Variants in MAPKBP1 observed in about 807,000 individuals in gnomAD.
MAPKBP1 encodes the protein mitogen-activated protein kinase binding protein 1.
MAPKBP1 carries 71 observed loss-of-function variants against 170.5 expected under a neutral mutation model. The ratio of observed to expected loss-of-function variants is 0.42; its 90% CI spans 0.34 to 0.51. The LOEUF (loss-of-function observed/expected upper bound fraction) is 0.51, where lower values mean the gene tolerates loss of function less well. Ranked by LOEUF, MAPKBP1 falls within the 20% of genes least tolerant of loss-of-function variation. The pLI, the probability that MAPKBP1 is intolerant of heterozygous loss-of-function variation, is 0.06. For synonymous variants in MAPKBP1, 719 were observed against 757.9 expected, an observed-to-expected ratio of 0.95 and a Z score of 0.84; for missense variants, 1,598 against 1,933.0, an observed-to-expected ratio of 0.83 and a Z score of 3.25.
Position 41,825,748 on chromosome 15 carries a change from G to A in MAPKBP1, c.*312G>A, listed in dbSNP as rs373487464. The A allele has an allele frequency of 8.0e-4, 248 of 309,082 alleles. 1 individual carries two copies. In the Middle Eastern group the frequency reaches 8.3e-3, roughly 10 times the overall value. The allele number at this position is 309,082 out of a possible 1,614,324, so 19.1% of individuals were successfully genotyped here. A position where few individuals can be genotyped will look rare whatever the true frequency, so the allele number is the denominator to read the frequency against. On this transcript the variant is annotated 3_prime_UTR_variant, in exon 31 of 31. Transcript: ENST00000457542. ...CTGCCCCATCTAGGAATCTGGGAAG[G>A]GCTGGCCCTCTCTTAGAAGCCATTT...
chr15:41,784,505 C>CGG (rs1319114745), intron 2 of MAPKBP1, among the ~76,000 whole-genome samples: 1 of 151,686 alleles, frequency 6.6e-6, no homozygotes, highest in African/African-American at 2.4e-5. Flanking sequence ...TTAGCTGGGC[C>CGG]GGGCGTGGTG....
Position 41,818,535 on chromosome 15 carries a change from G to T in MAPKBP1, c.2109G>T (p.Met703Ile). ...MFGHSEIVTG[M>I]KFSNDCKHLI... is the part of the protein sequence containing the mutation. Reference sequence around the variant, plus strand: ...TCTTCACAGAGATTGTCACTGGCATGAAATTTAGTAATGATTGTAAACATC... The same window carrying T: ...TCTTCACAGAGATTGTCACTGGCATTAAATTTAGTAATGATTGTAAACATC... The change falls in exon 19 of 31, where the codon ATG becomes ATT. Residue 703 changes from methionine (M) to isoleucine (I), a missense_variant. By Grantham distance (10) the Met-to-Ile change is conservative. This residue lies in a region of MAPKBP1 where 63 missense variants were observed against 115.2 expected (regional missense o/e 0.55). Transcript: ENST00000457542. This position sits in a 1 kb window ranked among gnomAD's most constrained non-coding sequence, Gnocchi z 5.2. 1.2e-6 allele frequency: 2 copies of T among 1,613,316 alleles called. No individual in the cohort carries two copies.
intron 3 of MAPKBP1, among the ~76,000 whole-genome samples, chr15:41,809,716 C>T (rs768578812): frequency 6.6e-6 from 1 of 152,250 alleles, no homozygotes; most frequent in Non-Finnish European, 1.5e-5. Context: ...TGGCTATTGG[C>T]CTTTGGCTTC....
chr15:41,799,962 C>CA (rs771727234), intron 3 of MAPKBP1, 48 bp downstream of exon 3: 1 of 1,500,292 alleles, frequency 6.7e-7, no homozygotes, highest in East Asian at 2.3e-5. Flanking sequence ...AATTTATAGC[C>CA]ACGCTAGAGC....
At chr15:41,803,989 C>T (rs994922353) in intron 3 of MAPKBP1, among the ~76,000 whole-genome samples, 10 of 152,076 alleles carry the variant, frequency 6.6e-5, no homozygotes, top group South Asian at 2.1e-4. Flanking sequence ...TACAGGCATG[C>T]GCCATCATGC....
rs766875388 is a variant in MAPKBP1, at chr15:41,821,017, T to A, written c.2667T>A (p.Ser889=). ...PSQDSLAIIP[S]GPRKHGQEAL... is the part of the protein sequence containing the mutation. ...AGGACTCGCTGGCCATCATCCCATC[T>A]GGTCCCAGGAAGCATGGGCAGGAGG... is the stretch of plus-strand genomic sequence containing the variant. Residue 889 remains serine, a synonymous_variant, in exon 23 of 31, where the codon TCT becomes TCA. Transcript: ENST00000457542. 6.2e-7 allele frequency: 1 copy of A among 1,614,198 alleles called. No homozygotes were observed. The highest frequency in any genetic ancestry group is 2.2e-5 in the East Asian group (1 of 44,882).
At position 41,814,754 on chromosome 15, in the gene MAPKBP1, T is replaced by G; in HGVS notation, c.1170+15T>G. On this transcript the variant is annotated intron_variant, in intron 10 of 30. Transcript: ENST00000457542. The stretch of plus-strand genomic sequence containing the variant: ...GGAGTGTGGAGGTATGTGGGCTGGC[T>G]GGCTGGCTGGAGACTGGCCAGGTTG... The G allele has an allele frequency of 1.2e-6, 2 of 1,612,812 alleles. No homozygotes were observed. The highest frequency in any genetic ancestry group is 1.7e-6 in the Non-Finnish European group (2 of 1,178,882).
intron 8 of MAPKBP1, 199 bp from the exon 9 acceptor site, chr15:41,813,422 T>C (rs1324402213): frequency 1.6e-5 from 24 of 1,480,536 alleles, no homozygotes; most frequent in Non-Finnish European, 2.1e-5. Flanking sequence ...TACTGGATCC[T>C]CTGGTGCCTA....
At chr15:41,775,485 GC>G in intron 2 of MAPKBP1, 96 bp downstream of exon 2, 1 of 909,148 alleles carries the variant, frequency 1.1e-6, no homozygotes, top group Non-Finnish European at 1.8e-6. Context: ...ATAACTAGAA[GC>G]CCTTGTTGAC....
intron 22 of MAPKBP1, 30 bp from the exon 23 acceptor site, chr15:41,820,802 A>T: frequency 6.5e-7 from 1 of 1,540,088 alleles, no homozygotes; most frequent in East Asian, 2.3e-5. Flanking sequence ...GGTTGTTGTT[A>T]CTCCTCCCCC....
At chr15:41,778,014 T>C (rs2064125752) in intron 2 of MAPKBP1, among the ~76,000 whole-genome samples, 2 of 152,218 alleles carry the variant, frequency 1.3e-5, no homozygotes, top group South Asian at 4.1e-4. Context: ...TCTGTATTTA[T>C]CAGAGCCACA....
At position 41,777,113 on chromosome 15, in the gene MAPKBP1, C is replaced by T. The variant is rs144498429; in HGVS notation, c.114+1724C>T. Among the ~76,000 whole-genome samples, 749 of 152,160 alleles carry T rather than the reference C, an allele frequency of 4.9e-3. 4 individuals are homozygous for T. Among genetic ancestry groups the T allele is most frequent in the Middle Eastern group, 0.02 (6 of 294 alleles). ...ATCCCAGCACTTTGGGAGGCCAAGG[C>T]GGATGGATCACTAGGTCAGGAGTTC... On this transcript the variant is annotated intron_variant, in intron 2 of 30. Transcript: ENST00000457542.
chr15:41,806,299 T>A (rs543618902), intron 3 of MAPKBP1, among the ~76,000 whole-genome samples: 2 of 152,146 alleles, frequency 1.3e-5, no homozygotes. Context: ...AGGGCGACAT[T>A]TGAGCGAGGC....
At position 41,774,610 on chromosome 15, in the gene MAPKBP1, G is replaced by C. The variant is rs991185683; in HGVS notation, c.-110G>C. On this transcript the variant is annotated splice_region_variant and 5_prime_UTR_variant, in exon 1 of 31. Transcript: ENST00000457542. The stretch of plus-strand genomic sequence containing the variant: ...GGGGTGGCCTTAGCTCGCCGAGGCT[G>C]GTGAGGCTGGGCCCGAACGGGGGCG... 6.3e-5 allele frequency: 25 copies of C among 398,590 alleles called. No homozygotes were observed. The highest frequency in any genetic ancestry group is 4.4e-4 in the Admixed American group (10 of 22,724). The allele number at this position is 398,590 out of a possible 1,614,324, so 24.7% of individuals were successfully genotyped here. A position where few individuals can be genotyped will look rare whatever the true frequency, so the allele number is the denominator to read the frequency against.
In MAPKBP1 at chr15:41,825,519, G is replaced by A; in HGVS notation, c.*83G>A. 7.8e-7 allele frequency: 1 copy of A among 1,282,090 alleles called. No individual in the cohort carries two copies. Among genetic ancestry groups the A allele is most frequent in the Non-Finnish European group, 1.1e-6 (1 of 934,908 alleles). 79.4% of individuals were successfully genotyped at this position (1,282,090 alleles called of 1,614,324 possible). A position where few individuals can be genotyped will look rare whatever the true frequency, so the allele number is the denominator to read the frequency against. On this transcript the variant is annotated 3_prime_UTR_variant, in exon 31 of 31. Coordinates refer to ENST00000457542, the MANE Select transcript of MAPKBP1 (RefSeq NM_014994.3). ...TCTGCCCCTCACCAAAACCTGCGGG[G>A]CTGCTTGGAGTGGAAAGCAGGGAGC...
chr15:41,782,493 T>G (rs555139748), intron 2 of MAPKBP1, among the ~76,000 whole-genome samples: 2 of 152,294 alleles, frequency 1.3e-5, no homozygotes, highest in East Asian at 3.9e-4. Flanking sequence ...ACTATCTTAT[T>G]CAAGTTTTAC....
chr15:41,814,478 C>G, intron 9 of MAPKBP1, 72 bp from the exon 10 acceptor site: 2 of 1,471,166 alleles, frequency 1.4e-6, no homozygotes, highest in East Asian at 2.3e-5. Context: ...ACACACTGCT[C>G]CTTCCATTGT....
At position 41,799,886 on chromosome 15, in the gene MAPKBP1, C is replaced by T. The variant is rs1434888681; in HGVS notation, c.178C>T (p.Arg60Ter). ...AGGCAGAGGACTTGCCTGTGACCCC[C>T]GATCAGGTTTAGTTGCTTACCCAGC... is the stretch of plus-strand genomic sequence containing the variant. ...SGGRGLACDP[R>*]SGLVAYPAGC... is the part of the protein sequence containing the mutation. Residue 60 changes from arginine to a stop codon, truncating the protein, a stop_gained, in exon 3 of 31, where the codon CGA (arginine) becomes TGA (stop). Transcript: ENST00000457542. LOFTEE classifies it high-confidence loss of function. The T allele has an allele frequency of 3.1e-6, 5 of 1,614,000 alleles. No individual in the cohort carries two copies. Among genetic ancestry groups the T allele is most frequent in the African/African-American group, 2.7e-5 (2 of 74,902 alleles).
intron 5 of MAPKBP1, 61 bp downstream of exon 5, chr15:41,811,296 G>GA (rs2064801650): frequency 1.9e-6 from 3 of 1,571,632 alleles, no homozygotes; most frequent in Non-Finnish European, 2.6e-6. Flanking sequence ...CCTCCGCAGA[G>GA]AGCTGCGGTC....
Sources: gnomAD v4.1 joint callset for allele counts (sites outside exome capture counted in the v4.1 genomes callset) on GRCh38, gnomAD v4.1.1 for gene constraint, gnomAD v4.1.1 regional missense constraint, Gnocchi (gnomAD v3.1) non-coding constraint, MANE v1.5 for transcripts, NCBI Gene and HGNC (gene_info 2026-07-23, HGNC 2026-07-21) for gene names.